The following CP variants were observed in gnomAD, a reference collection of about 807,000 sequenced individuals.
The protein encoded by CP is ceruloplasmin.
A neutral mutation model predicts 122.4 loss-of-function variants in CP; 64 were observed. The ratio of observed to expected loss-of-function variants is 0.52; its 90% CI spans 0.43 to 0.64. The LOEUF (loss-of-function observed/expected upper bound fraction) is 0.64, where lower values mean the gene tolerates loss of function less well. Among genes scored for constraint, CP ranks in the 30% least tolerant of loss-of-function variants. The pLI is 0.00. For missense variants in CP, 1,167 were observed against 1,284.4 expected (o/e 0.91, Z 1.40); for synonymous variants, 440 against 436.4 (o/e 1.01, Z -0.10).
chr3:149,174,685 G>T (rs768603885), intron 18 of CP, among the ~76,000 whole-genome samples: 1 of 152,076 alleles, frequency 6.6e-6, no homozygotes, highest in Non-Finnish European at 1.5e-5. Flanking sequence ...AGCTAAGCAG[G>T]CTTTTCTAAG....
rs751668191 is a variant in CP at position 149,188,099 on chromosome 3, T to A, written c.1817A>T (p.Gln606Leu). 100 of 1,612,298 alleles carry A rather than the reference T, an allele frequency of 6.2e-5. No individual in the cohort carries two copies. Among genetic ancestry groups the A allele is most frequent in the Non-Finnish European group, 8.3e-5 (98 of 1,179,848 alleles). ...AAAGTCTTCATCTTCCTTATCCACC[T>A]GATCAGGTGCAGTTGTAAACATTCT... is the stretch of plus-strand genomic sequence containing the variant. ...NIRMFTTAPD[Q>L]VDKEDEDFQE... Residue 606 changes from glutamine to leucine, a missense_variant, in exon 10 of 19, where the codon CAG (glutamine) becomes CTG (leucine). Physicochemically the swap from Gln to Leu is moderately radical, Grantham distance 113. Around this residue, in one of 2 missense-constraint regions of CP, gnomAD observed 525 missense variants for 657.2 expected, o/e 0.80. Coordinates refer to ENST00000264613, the MANE Select transcript of CP (RefSeq NM_000096.4).
At chr3:149,195,494 T>C (rs182945659) in intron 9 of CP, among the ~76,000 whole-genome samples, 41 of 152,278 alleles carry the variant, frequency 2.7e-4, no homozygotes, top group African/African-American at 8.4e-4. Flanking sequence ...GAGTAATATA[T>C]ACTATGCAAA....
chr3:149,182,020 T>C lies in CP; in HGVS notation c.2539A>G (p.Thr847Ala), dbSNP rs1263922933. The C allele has an allele frequency of 8.5e-7, 1 of 1,176,416 alleles. No homozygotes were observed. The allele number at this position is 1,176,416 out of a possible 1,614,324, so 72.9% of individuals were successfully genotyped here. The change falls in exon 14 of 19, where the codon ACT (threonine) becomes GCT (alanine). Residue 847 changes from threonine to alanine, a missense_variant. By Grantham distance (58) the Thr-to-Ala change is moderately conservative (BLOSUM62 0). Coordinates refer to ENST00000264613, the MANE Select transcript of CP (RefSeq NM_000096.4). ...HGVQTESSTV[T>A]PTLPGETLTY... Reference sequence around the variant, plus strand: ...CCGTGAGTACCTGGTAATGTTGGAGTAACTGTAGAACTCTCTGTTTGTACC... The same window carrying C: ...CCGTGAGTACCTGGTAATGTTGGAGCAACTGTAGAACTCTCTGTTTGTACC...
chr3:149,177,768 G>T, intron 17 of CP, 72 bp downstream of exon 17: 1 of 1,530,434 alleles, frequency 6.5e-7, no homozygotes, highest in Non-Finnish European at 9.1e-7. Context: ...GTCTCTCTGA[G>T]AAAATATTTT....
Position 149,183,584 on chromosome 3 carries a change from A to G in CP, c.2307T>C (p.Asp769=). The G allele has an allele frequency of 6.3e-7, 1 of 1,598,326 alleles. No homozygotes were observed. ...TTGAGCCTATGTAAAACTCTCCCTTATCTAAAAATGCATTTGAAACACTTA... is the reference window on the plus strand; with the variant it reads ...TTGAGCCTATGTAAAACTCTCCCTTGTCTAAAAATGCATTTGAAACACTTA... ...QEQNVSNAFL[D]KGEFYIGSKY... Residue 769 remains aspartate (D), a synonymous_variant, in exon 13 of 19, where the codon GAT becomes GAC. Transcript: ENST00000264613.
rs34315195 is a variant in CP at position 149,213,063 on chromosome 3, A to AT, written c.147-366dup. 3.0e-3 allele frequency among the ~76,000 whole-genome samples: 464 copies of AT among 152,266 alleles called. 1 individual carries two copies. The highest frequency in any genetic ancestry group is 5.3e-3 in the Non-Finnish European group (360 of 68,006). ...TTAAAATAAAGCAGTTAATTAAGAC[A>AT]TTTTTTCACTTCTACCTCTCTTAGC... On this transcript the variant is annotated intron_variant, in intron 1 of 18. Transcript: ENST00000264613.
At chr3:149,201,081 A>G (rs1220011814) in intron 7 of CP, among the ~76,000 whole-genome samples, 1 of 152,102 alleles carries the variant, frequency 6.6e-6, no homozygotes, top group Non-Finnish European at 1.5e-5. Flanking sequence ...TCTAGGACAG[A>G]TCCTGCTTGT....
In CP at chr3:149,186,675, GA is replaced by G. The variant is rs1158324498; in HGVS notation, c.1921del (p.Ser641ArgfsTer69). ...QPGLTMCKGD[S>X]VVWYLFSAGN... ...GGCGCTGAATAAGTACCACACGACC[GA>G]ATCTCCTTTGCACATAGTGAGACCC... On this transcript the variant is annotated frameshift_variant, in exon 11 of 19. Coordinates refer to ENST00000264613, the MANE Select transcript of CP (RefSeq NM_000096.4). LOFTEE classifies it high-confidence loss of function. 6.2e-7 allele frequency: 1 copy of G among 1,613,964 alleles called. No individual in the cohort carries two copies. The highest frequency in any genetic ancestry group is 1.3e-5 in the African/African-American group (1 of 74,882).
At chr3:149,200,313 C>G (rs1156786739) in intron 7 of CP, among the ~76,000 whole-genome samples, 1 of 151,840 alleles carries the variant, frequency 6.6e-6, no homozygotes, top group East Asian at 1.9e-4. Flanking sequence ...TAATGATTAC[C>G]AATTATAGAA....
At chr3:149,189,379 C>T (rs1415563445) in intron 9 of CP, among the ~76,000 whole-genome samples, 1 of 151,764 alleles carries the variant, frequency 6.6e-6, no homozygotes, top group East Asian at 1.9e-4. Flanking sequence ...TGTGAAACCC[C>T]GTCTCTACTA....
chr3:149,188,056 C>T lies in CP; in HGVS notation c.1860G>A (p.Met620Ile). ...GGTGGATGATGCAGTACTTACAGTG[C>T]ATTTTATTAGATTCCTGAAAGTCTT... ...EDEDFQESNK[M>I]HSMNGFMYGN... Residue 620 changes from methionine to isoleucine, a missense_variant, in exon 10 of 19, where the codon ATG becomes ATA. This residue lies in a region of CP where 525 missense variants were observed against 657.2 expected (regional missense o/e 0.80). Coordinates refer to ENST00000264613, the MANE Select transcript of CP (RefSeq NM_000096.4). The T allele has an allele frequency of 6.2e-7, 1 of 1,611,648 alleles. No individual in the cohort carries two copies. The highest frequency in any genetic ancestry group is 8.5e-7 in the Non-Finnish European group (1 of 1,179,778).
Position 149,206,454 on chromosome 3 carries a change from C to T in CP, c.1037-115G>A, listed in dbSNP as rs185598803. ...AGAAATTGAAGGAATAGACAGATAG[C>T]AACAGTACTATAAACTAGGGCAGAC... On this transcript the variant is annotated intron_variant, in intron 5 of 18. Coordinates refer to ENST00000264613, the MANE Select transcript of CP (RefSeq NM_000096.4). 4.8e-5 allele frequency: 57 copies of T among 1,188,712 alleles called. No homozygotes were observed. In the African/African-American group the frequency reaches 5.3e-4, roughly 11 times the overall value. 73.6% of individuals were successfully genotyped at this position (1,188,712 alleles called of 1,614,324 possible).
intron 6 of CP, among the ~76,000 whole-genome samples, chr3:149,202,716 T>C (rs953963995): frequency 4.1e-5 from 6 of 147,848 alleles, no homozygotes; most frequent in Non-Finnish European, 6.0e-5. Context: ...CACGCCATTC[T>C]CCTGCCTCAG....
rs34481162 is a variant in CP at position 149,206,443 on chromosome 3, T to C, written c.1037-104A>G. 9,914 of 1,291,926 alleles carry C rather than the reference T, an allele frequency of 7.7e-3. 592 individuals are homozygous for C. The African/African-American group carries it at 0.13, about 17-fold the overall frequency. 80.0% of individuals were successfully genotyped at this position (1,291,926 alleles called of 1,614,324 possible). On this transcript the variant is annotated intron_variant, in intron 5 of 18. Transcript: ENST00000264613. Reference sequence around the variant, plus strand: ...TGATGACAAGTAGAAATTGAAGGAATAGACAGATAGCAACAGTACTATAAA... The same window carrying C: ...TGATGACAAGTAGAAATTGAAGGAACAGACAGATAGCAACAGTACTATAAA...
At chr3:149,219,711 TGGGGC>T (rs1728688609) in intron 1 of CP, among the ~76,000 whole-genome samples, 1 of 151,536 alleles carries the variant, frequency 6.6e-6, no homozygotes, top group South Asian at 2.1e-4. Context: ...GTACCTGGAG[TGGGGC>T]ACTACTGTAA....
Position 149,221,663 on chromosome 3 carries a change from G to A in CP, c.130C>T (p.Leu44Phe). The A allele has an allele frequency of 6.2e-7, 1 of 1,611,910 alleles. No individual in the cohort carries two copies. The highest frequency in any genetic ancestry group is 8.5e-7 in the Non-Finnish European group (1 of 1,179,376). Residue 44 changes from leucine to phenylalanine, a missense_variant, in exon 1 of 19, where the codon CTT becomes TTT. Around this residue, in one of 2 missense-constraint regions of CP, gnomAD observed 642 missense variants for 627.3 expected, o/e 1.02. Transcript: ENST00000264613. ...GTGACTTACGTGTCAACAGAAATAAGTTTCTTTTCCCCATGGTCAGAGGCA... is the reference window on the plus strand; with the variant it reads ...GTGACTTACGTGTCAACAGAAATAAATTTCTTTTCCCCATGGTCAGAGGCA... The part of the protein sequence containing the change: ...DYASDHGEKK[L>F]ISVDTEHSNI...
At position 149,199,877 on chromosome 3, in the gene CP, A is replaced by G. The variant is rs17847017; in HGVS notation, c.1349-13T>C. ...CAAATGACAGGACCTGGGAACAAAG[A>G]GAGAATTATTATCCTTCCTTGGTAT... On this transcript the variant is annotated splice_polypyrimidine_tract_variant and intron_variant, in intron 7 of 18. Transcript: ENST00000264613. 3.2e-3 allele frequency: 5,141 copies of G among 1,613,382 alleles called. 132 individuals carry two copies. The Admixed American group carries it at 0.058, about 18-fold the overall frequency.
At chr3:149,180,982 C>T (rs898278906) in intron 14 of CP, among the ~76,000 whole-genome samples, 10 of 151,444 alleles carry the variant, frequency 6.6e-5, no homozygotes, top group African/African-American at 1.9e-4. Context: ...CCACTTCAGC[C>T]GCTTCCACCA....
intron 9 of CP, among the ~76,000 whole-genome samples, chr3:149,194,789 A>C (rs1726788170): frequency 6.6e-6 from 1 of 152,196 alleles, no homozygotes; most frequent in Admixed American, 6.5e-5. Context: ...ATAAAACACT[A>C]TCAAGCCTTT....
Sources: allele counts gnomAD v4.1 joint callset (sites outside exome capture counted in the v4.1 genomes callset), GRCh38; gene constraint gnomAD v4.1.1; regional missense constraint gnomAD v4.1.1; transcripts MANE v1.5; gene names NCBI Gene and HGNC (gene_info 2026-07-23, HGNC 2026-07-21).